Variants in CCDC68 observed in about 807,000 individuals in gnomAD.
CCDC68 encodes the protein coiled-coil domain-containing protein 68.
Under a neutral mutation model 47.1 loss-of-function variants are expected in CCDC68, and 45 were observed. That is an observed-to-expected ratio of 0.96 (90% CI 0.75 to 1.23). The LOEUF (loss-of-function observed/expected upper bound fraction) is 1.23, where lower values mean the gene tolerates loss of function less well. CCDC68 is among the 50% of genes most tolerant of loss of function. CCDC68 has a pLI of 0.00. For missense variants in CCDC68, 353 were observed against 373.6 expected, an observed-to-expected ratio of 0.94 and a Z score of 0.45; for synonymous variants, 131 against 129.5, an observed-to-expected ratio of 1.01 and a Z score of -0.08.
intron 10 of CCDC68, among the ~76,000 whole-genome samples, 183 bp from the exon 11 acceptor site, chr18:54,908,045 A>T (rs1231542536): frequency 6.6e-6 from 1 of 152,230 alleles, no homozygotes; most frequent in Admixed American, 6.5e-5. Context: ...GAAGATGCAG[A>T]TACTCCTTTA....
chr18:54,904,768 C>T (rs1913890771), intron 11 of CCDC68, among the ~76,000 whole-genome samples: 2 of 152,130 alleles, frequency 1.3e-5, no homozygotes, highest in Non-Finnish European at 2.9e-5. Context: ...TTCCCCCAGG[C>T]TATTTTAGTT....
chr18:54,942,064 C>T (rs190756317), intron 3 of CCDC68, among the ~76,000 whole-genome samples: 60 of 152,296 alleles, frequency 3.9e-4, no homozygotes, highest in African/African-American at 1.3e-3. Flanking sequence ...TCCCAAAGTG[C>T]TGGGATTACA....
In CCDC68 at chr18:54,930,589, C is replaced by CCCTTCCTT. The variant is rs201155377; in HGVS notation, c.601-1715_601-1708dup. On this transcript the variant is annotated intron_variant, in intron 7 of 11. Transcript: ENST00000591504. ...TTCTGAAGGATCACAGATACTCACT[C>CCCTTCCTT]CCTTCCTTCCTTCCTTCCTTCCTTC... is the stretch of plus-strand genomic sequence containing the variant. Among the ~76,000 whole-genome samples, 270 of 103,130 alleles carry CCCTTCCTT rather than the reference C, an allele frequency of 2.6e-3. 9 individuals carry two copies. The highest frequency in any genetic ancestry group is 0.013 in the Middle Eastern group (2 of 158). The allele number at this position is 103,130 out of a possible 152,430, so 67.7% of individuals were successfully genotyped here.
chr18:54,942,962 A>G (rs1362111525), intron 2 of CCDC68, 159 bp from the exon 3 acceptor site: 3 of 473,376 alleles, frequency 6.3e-6, no homozygotes, highest in Non-Finnish European at 1.1e-5. Context: ...CCAGGAATTA[A>G]TTTAATATAA....
intron 6 of CCDC68, 61 bp downstream of exon 6, chr18:54,936,772 T>G (rs1009096349): frequency 1.3e-6 from 2 of 1,599,890 alleles, no homozygotes; most frequent in Non-Finnish European, 1.7e-6. Flanking sequence ...TCTAGAAAGA[T>G]GAACTTCAAC....
In CCDC68 at chr18:54,926,292, C is replaced by T. The variant is rs1379675530; in HGVS notation, c.683+2508G>A. On this transcript the variant is annotated intron_variant, in intron 8 of 11. Transcript: ENST00000591504. The stretch of plus-strand genomic sequence containing the variant: ...GGCTGGGGAGGCCTCAGGAAACTTA[C>T]AGTCATGTTGGAAGGGCAAGTAAAC... Among the ~76,000 whole-genome samples, 3 of 152,310 alleles carry T rather than the reference C, an allele frequency of 2.0e-5. No individual in the cohort carries two copies. In the South Asian group the frequency reaches 6.2e-4, roughly 32 times the overall value.
At chr18:54,941,557 A>C (rs938644949) in intron 3 of CCDC68, among the ~76,000 whole-genome samples, 152 of 152,158 alleles carry the variant, frequency 1.0e-3, no homozygotes, top group African/African-American at 3.6e-3. Context: ...CACATTTATG[A>C]ATGAAATATA....
intron 10 of CCDC68, among the ~76,000 whole-genome samples, chr18:54,913,651 T>G (rs975887171): frequency 6.8e-6 from 1 of 147,104 alleles, no homozygotes; most frequent in Non-Finnish European, 1.5e-5. Context: ...TTTTTTTTTT[T>G]GTTTGTTATA....
chr18:54,956,228 T>C (rs1387656281), intron 1 of CCDC68, among the ~76,000 whole-genome samples: 1 of 152,216 alleles, frequency 6.6e-6, no homozygotes, highest in African/African-American at 2.4e-5. Flanking sequence ...GACCTCGTGA[T>C]CTGCCCAGCT....
At position 54,928,809 on chromosome 18, in the gene CCDC68, T is replaced by C. The variant is rs1382089157; in HGVS notation, c.674A>G (p.Tyr225Cys). The change falls in exon 8 of 12, where the codon TAT (tyrosine) becomes TGT (cysteine). Residue 225 changes from tyrosine to cysteine, a missense_variant. Coordinates refer to ENST00000591504, the MANE Select transcript of CCDC68 (RefSeq NM_025214.3). ...AGGTAGCTTCACAAACCTTTTTCCA[T>C]ATGTAGCACTGGATTTGAGTTGCAG... The part of the protein sequence containing the change: ...KLLQLKSSAT[Y>C]GKSCQDLQRE... The C allele has an allele frequency of 6.2e-7, 1 of 1,609,174 alleles. No individual in the cohort carries two copies. Among genetic ancestry groups the C allele is most frequent in the Middle Eastern group, 1.7e-4 (1 of 6,056 alleles).
In CCDC68 at chr18:54,942,989, G is replaced by A. The variant is rs1599085007; in HGVS notation, c.-12-186C>T. 3.2e-5 allele frequency: 13 copies of A among 402,688 alleles called. No homozygotes were observed. The South Asian group carries it at 4.9e-4, about 15-fold the overall frequency. 24.9% of individuals were successfully genotyped at this position (402,688 alleles called of 1,614,324 possible). ...TTAATATAAAGCCATATCATCTGAA[G>A]GAATCATTAATTAAAAATTTAACAT... On this transcript the variant is annotated intron_variant, in intron 2 of 11. Transcript: ENST00000591504.
At chr18:54,950,897 CTTTTTTTTTTTT>C (rs869026740) in intron 1 of CCDC68, among the ~76,000 whole-genome samples, 4 of 61,946 alleles carry the variant, frequency 6.5e-5, no homozygotes, top group African/African-American at 1.4e-4. Context: ...ATTCAGATGT[CTTTTTTTTTTTT>C]TTTTTTTTTT....
At chr18:54,945,353 G>A (rs952808351) in intron 2 of CCDC68, 35 bp downstream of exon 2, 152 of 152,096 alleles carry the variant, frequency 1.0e-3, no homozygotes, top group African/African-American at 3.6e-3. Context: ...CTGATAAGAA[G>A]CCAAGACTCC....
intron 5 of CCDC68, 131 bp downstream of exon 5, chr18:54,937,826 A>G: frequency 3.5e-6 from 2 of 575,744 alleles, no homozygotes; most frequent in Non-Finnish European, 5.7e-6. Flanking sequence ...TCTCTATGTA[A>G]GTGAGCATGC....
chr18:54,933,750 C>A (rs2044301595), intron 7 of CCDC68, among the ~76,000 whole-genome samples: 1 of 152,216 alleles, frequency 6.6e-6, no homozygotes, highest in Non-Finnish European at 1.5e-5. Context: ...TGACCTTCCA[C>A]ATAATACACA....
At position 54,904,024 on chromosome 18, in the gene CCDC68, T is replaced by G. The variant is rs541534912; in HGVS notation, c.*334A>C. ...ACTCTTAAAAACCACTATAAAAAAG[T>G]CAGAATTGACAATCTTAAAACAATC... On this transcript the variant is annotated 3_prime_UTR_variant, in exon 12 of 12. Coordinates refer to ENST00000591504, the MANE Select transcript of CCDC68 (RefSeq NM_025214.3). The G allele has an allele frequency of 4.4e-6, 1 of 227,780 alleles. No homozygotes were observed. The highest frequency in any genetic ancestry group is 8.4e-5 in the South Asian group (1 of 11,840). The allele number at this position is 227,780 out of a possible 1,614,324, so 14.1% of individuals were successfully genotyped here.
chr18:54,917,185 G>A (rs992883537), intron 10 of CCDC68, among the ~76,000 whole-genome samples: 1 of 152,184 alleles, frequency 6.6e-6, no homozygotes, highest in African/African-American at 2.4e-5. Flanking sequence ...AGATTGTATT[G>A]TGCTCAGTTT....
intron 8 of CCDC68, among the ~76,000 whole-genome samples, chr18:54,924,381 T>C (rs2044112046): frequency 6.6e-6 from 1 of 151,924 alleles, no homozygotes; most frequent in Non-Finnish European, 1.5e-5. Context: ...CAATGGTGAA[T>C]CCTCTGGGGT....
intron 10 of CCDC68, among the ~76,000 whole-genome samples, chr18:54,908,859 A>G (rs1376704481): frequency 6.6e-6 from 1 of 151,922 alleles, no homozygotes; most frequent in African/African-American, 2.4e-5. Context: ...ACAAGTGTGC[A>G]CCACTATGCC....
Sources: gnomAD v4.1 joint callset for allele counts (sites outside exome capture counted in the v4.1 genomes callset) on GRCh38, gnomAD v4.1.1 for gene constraint, MANE v1.5 for transcripts, NCBI Gene and HGNC (gene_info 2026-07-23, HGNC 2026-07-21) for gene names.